Variants in PHACTR2 observed in about 807,000 individuals in gnomAD.
PHACTR2 encodes chromosome 6 open reading frame 56.
Under a neutral mutation model 76.0 loss-of-function variants are expected in PHACTR2, and 30 were observed. That is an observed-to-expected ratio of 0.39 (90% CI 0.30 to 0.54). The LOEUF (loss-of-function observed/expected upper bound fraction) is 0.54, where lower values mean the gene tolerates loss of function less well. Among genes scored for constraint, PHACTR2 ranks in the 20% least tolerant of loss-of-function variants. The pLI, the probability that PHACTR2 is intolerant of heterozygous loss-of-function variation, is 0.61. For synonymous variants in PHACTR2, 292 were observed against 292.5 expected, an observed-to-expected ratio of 1.00 and a Z score of 0.02; for missense variants, 696 against 781.1, an observed-to-expected ratio of 0.89 and a Z score of 1.30.
rs992556154 is a variant in PHACTR2 at position 143,782,545 on chromosome 6, G to A, written c.1646-674G>A. Among the ~76,000 whole-genome samples, 4 of 152,194 alleles carry A rather than the reference G, an allele frequency of 2.6e-5. No homozygotes were observed. The highest frequency in any genetic ancestry group is 9.6e-5 in the African/African-American group (4 of 41,526). ...CCCATCTGTTGGGCAGCATAAAATC[G>A]TACTACTTGGTGAATCACTAGAGAA... On this transcript the variant is annotated intron_variant, in intron 9 of 12. Coordinates refer to ENST00000440869, the MANE Select transcript of PHACTR2 (RefSeq NM_001100164.2). This position sits in a 1 kb window ranked among gnomAD's most constrained non-coding sequence, Gnocchi z 4.6.
At chr6:143,735,940 CTT>C (rs1195989492) in intron 2 of PHACTR2, among the ~76,000 whole-genome samples, 1 of 152,060 alleles carries the variant, frequency 6.6e-6, no homozygotes, top group Non-Finnish European at 1.5e-5. Flanking sequence ...TAGGATTAAA[CTT>C]AATATAGGAA....
intron 5 of PHACTR2, among the ~76,000 whole-genome samples, chr6:143,762,087 A>G (rs1779456104): frequency 6.6e-6 from 1 of 152,060 alleles, no homozygotes; most frequent in South Asian, 2.1e-4. Flanking sequence ...TCTTGTTGGG[A>G]TCTGTGTGTG....
At chr6:143,732,717 T>A (rs543142135) in intron 2 of PHACTR2, among the ~76,000 whole-genome samples, 3 of 152,272 alleles carry the variant, frequency 2.0e-5, no homozygotes, top group South Asian at 4.2e-4. Flanking sequence ...TGCCAAACTG[T>A]TTTTCAATGC....
chr6:143,772,315 G>A lies in PHACTR2; in HGVS notation c.1290G>A (p.Leu430=). ...TGCCTCAGCTACTGACTCCTGGGCT[G>A]ATGGGCGAATCTTCAGAATCCTTTA... The part of the protein sequence containing the change: ...KTVPQLLTPG[L]MGESSESFSA... The change falls in exon 7 of 13, where the codon CTG becomes CTA. Residue 430 remains leucine (L), a synonymous_variant. Transcript: ENST00000440869. This position sits in a 1 kb window ranked among gnomAD's most constrained non-coding sequence, Gnocchi z 5.4. 2 of 1,614,088 alleles carry A rather than the reference G, an allele frequency of 1.2e-6. No homozygotes were observed. Among genetic ancestry groups the A allele is most frequent in the South Asian group, 1.1e-5 (1 of 91,080 alleles).
intron 3 of PHACTR2, among the ~76,000 whole-genome samples, chr6:143,749,990 A>G (rs1037762084): frequency 2.6e-5 from 4 of 152,234 alleles, no homozygotes; most frequent in Non-Finnish European, 5.9e-5. Context: ...AATTGAAATA[A>G]TAATACAGCT....
In PHACTR2 at chr6:143,700,373, G is replaced by A. The variant is rs1777880451; in HGVS notation, c.47-11643G>A. ...AGTTTGAGACTGGCCTGGCCAACATGGTGAAACCGCGTCTCTACTAAAAAT... is the reference window on the plus strand; with the variant it reads ...AGTTTGAGACTGGCCTGGCCAACATAGTGAAACCGCGTCTCTACTAAAAAT... On this transcript the variant is annotated intron_variant, in intron 1 of 12. Coordinates refer to ENST00000440869, the MANE Select transcript of PHACTR2 (RefSeq NM_001100164.2). This position sits in a 1 kb window ranked among gnomAD's most constrained non-coding sequence, Gnocchi z 4.1. Among the ~76,000 whole-genome samples the A allele has an allele frequency of 6.6e-6, 1 of 152,098 alleles. No homozygotes were observed. Among genetic ancestry groups the A allele is most frequent in the Admixed American group, 6.5e-5 (1 of 15,270 alleles).
rs1300016168 is a variant in PHACTR2, at chr6:143,547,890, A to G, written c.217+10683A>G. On this transcript the variant is annotated intron_variant, in intron 1 of 11. Coordinates refer to the PHACTR2 transcript ENST00000367584. This position sits in a 1 kb window ranked among gnomAD's most constrained non-coding sequence, Gnocchi z 4.2. Reference sequence around the variant, plus strand: ...TATGTATGTATGTATGTACGTATGTATCTATCTATCTATCTATCATCTATC... The same window carrying G: ...TATGTATGTATGTATGTACGTATGTGTCTATCTATCTATCTATCATCTATC... Among the ~76,000 whole-genome samples the G allele has an allele frequency of 6.6e-6, 1 of 151,974 alleles. No individual in the cohort carries two copies. Among genetic ancestry groups the G allele is most frequent in the Non-Finnish European group, 1.5e-5 (1 of 67,978 alleles).
intron 9 of PHACTR2, among the ~76,000 whole-genome samples, chr6:143,781,095 A>G (rs1223608295): frequency 2.0e-5 from 3 of 152,238 alleles, no homozygotes; most frequent in Non-Finnish European, 2.9e-5. Flanking sequence ...CTTGGACTAC[A>G]TAGGGACAGC....
intron 1 of PHACTR2, among the ~76,000 whole-genome samples, chr6:143,691,003 T>C (rs928198491): frequency 6.6e-5 from 10 of 152,228 alleles, no homozygotes; most frequent in African/African-American, 1.9e-4. Context: ...AAGTGCCCAA[T>C]TGTGAAACTC....
At chr6:143,687,925 T>C (rs1160389517) in intron 1 of PHACTR2, among the ~76,000 whole-genome samples, 6 of 152,288 alleles carry the variant, frequency 3.9e-5, no homozygotes, top group Non-Finnish European at 1.5e-5. Flanking sequence ...AGTTATTATG[T>C]GTAAGGTGTT....
Position 143,608,701 on chromosome 6 carries a change from T to G in PHACTR2, c.13+379T>G, listed in dbSNP as rs961619018. Reference sequence around the variant, plus strand: ...TTAAGTTAATGAGCTGAGCAAAAATTCTGTGTAAATATTACAATATGCACA... The same window carrying G: ...TTAAGTTAATGAGCTGAGCAAAAATGCTGTGTAAATATTACAATATGCACA... On this transcript the variant is annotated intron_variant, in intron 1 of 11. Transcript: ENST00000305766. This position sits in a 1 kb window ranked among gnomAD's most constrained non-coding sequence, Gnocchi z 4.6. 6.6e-6 allele frequency among the ~76,000 whole-genome samples: 1 copy of G among 152,208 alleles called. No individual in the cohort carries two copies. The highest frequency in any genetic ancestry group is 2.4e-5 in the African/African-American group (1 of 41,450).
rs547802938 is a variant in PHACTR2, at chr6:143,556,976, G to A, written c.217+19769G>A. Among the ~76,000 whole-genome samples the A allele has an allele frequency of 2.0e-5, 3 of 152,228 alleles. No individual in the cohort carries two copies. The South Asian group carries it at 6.2e-4, about 32-fold the overall frequency. ...ACATTTCCTTTTGAAACAAAAATGA[G>A]GCCAGAAAGAAAGGGCCTCCCTCCC... On this transcript the variant is annotated intron_variant, in intron 1 of 11. Transcript: ENST00000367584. The surrounding 1 kb of genome is among the most constrained non-coding windows in gnomAD (Gnocchi z 4.3).
chr6:143,573,093 T>A (rs748807510), intron 1 of PHACTR2, among the ~76,000 whole-genome samples: 1 of 152,252 alleles, frequency 6.6e-6, no homozygotes, highest in Non-Finnish European at 1.5e-5. Context: ...TATAATTTTC[T>A]TATATATTGC....
At chr6:143,576,352 G>A (rs574350185) in intron 1 of PHACTR2, among the ~76,000 whole-genome samples, 5 of 152,312 alleles carry the variant, frequency 3.3e-5, no homozygotes, top group African/African-American at 1.2e-4. Flanking sequence ...GTGATTTTCT[G>A]TTCCTGAAAA....
Position 143,754,715 on chromosome 6 carries a change from A to G in PHACTR2, c.454+803A>G, listed in dbSNP as rs983855009. Among the ~76,000 whole-genome samples, 2 of 152,218 alleles carry G rather than the reference A, an allele frequency of 1.3e-5. No individual in the cohort carries two copies. The highest frequency in any genetic ancestry group is 2.9e-5 in the Non-Finnish European group (2 of 68,040). On this transcript the variant is annotated intron_variant, in intron 4 of 12. Coordinates refer to ENST00000440869, the MANE Select transcript of PHACTR2 (RefSeq NM_001100164.2). The surrounding 1 kb of genome is among the most constrained non-coding windows in gnomAD (Gnocchi z 6.2). ...CCTCCAAACATGAAATGAAACTTCT[A>G]AAAGGAAAGGTTTTGTGGGGAGATT...
rs765741546 is a variant in PHACTR2 at position 143,548,375 on chromosome 6, ACTAC to A, written c.217+11172_217+11175del. On this transcript the variant is annotated intron_variant, in intron 1 of 11. Coordinates refer to the PHACTR2 transcript ENST00000367584. The surrounding 1 kb of genome is among the most constrained non-coding windows in gnomAD (Gnocchi z 4.5). ...GGGATATAAGCATTCAGTCCGTAAC[ACTAC>A]CTAACTAATCTGTCTTTCCATCCAT... Among the ~76,000 whole-genome samples the A allele has an allele frequency of 5.9e-5, 9 of 152,068 alleles. No homozygotes were observed. Among genetic ancestry groups the A allele is most frequent in the Non-Finnish European group, 7.4e-5 (5 of 67,986 alleles).
chr6:143,593,515 A>G (rs1775717107), intron 1 of PHACTR2, among the ~76,000 whole-genome samples: 1 of 152,222 alleles, frequency 6.6e-6, no homozygotes, highest in Non-Finnish European at 1.5e-5. Flanking sequence ...GGGGTTAAAG[A>G]TACATATTCT....
rs1421874322 is a variant in PHACTR2, at chr6:143,822,567, A to G, written c.1923-1107A>G. On this transcript the variant is annotated intron_variant, in intron 12 of 12. Coordinates refer to ENST00000440869, the MANE Select transcript of PHACTR2 (RefSeq NM_001100164.2). The surrounding 1 kb of genome is among the most constrained non-coding windows in gnomAD (Gnocchi z 5.5). The stretch of plus-strand genomic sequence containing the variant: ...AATGATGGAACCAGTATTTTTAAGG[A>G]TAGTGTGAGCAACAGTGAGGAGCAT... Among the ~76,000 whole-genome samples the G allele has an allele frequency of 3.3e-5, 5 of 152,324 alleles. No individual in the cohort carries two copies. Among genetic ancestry groups the G allele is most frequent in the Admixed American group, 3.3e-4 (5 of 15,292 alleles).
intron 2 of PHACTR2, among the ~76,000 whole-genome samples, chr6:143,723,260 C>T (rs1031732906): frequency 6.6e-6 from 1 of 152,196 alleles, no homozygotes; most frequent in Non-Finnish European, 1.5e-5. Flanking sequence ...CCACATCTCA[C>T]CTTCCACGCC....
Sources: allele counts gnomAD v4.1 joint callset (sites outside exome capture counted in the v4.1 genomes callset), GRCh38; gene constraint gnomAD v4.1.1; non-coding constraint Gnocchi (gnomAD v3.1); transcripts MANE v1.5; gene names NCBI Gene and HGNC (gene_info 2026-07-23, HGNC 2026-07-21).